BDP1: variants seen among roughly 807,000 people sequenced by gnomAD.
BDP1 encodes transcription factor TFIIIB component B'' homolog.
A neutral mutation model predicts 266.6 loss-of-function variants in BDP1; 169 were observed. That is an observed-to-expected ratio of 0.63 (90% CI 0.56 to 0.72). BDP1 has a LOEUF of 0.72. BDP1 is among the 30% of genes least tolerant of loss of function. The pLI is 0.00. For missense variants in BDP1, 3,015 were observed against 3,053.8 expected (o/e 0.99, Z 0.30); for synonymous variants, 1,090 against 1,022.4 (o/e 1.07, Z -1.26).
At position 71,512,319 on chromosome 5, in the gene BDP1, C is replaced by T; in HGVS notation, c.4138C>T (p.His1380Tyr). The change falls in exon 18 of 39, where the codon CAC (histidine) becomes TAC (tyrosine). Residue 1380 changes from histidine to tyrosine, a missense_variant. By Grantham distance (83) the His-to-Tyr change is moderately conservative. Transcript: ENST00000358731. Reference protein sequence around the residue: ...KRNSEKEVSSHFSHFKISSQT... With the variant: ...KRNSEKEVSSYFSHFKISSQT... ...AAATTCTGAAAAAGAAGTATCAAGTCACTTCAGTCATTTCAAGATTTCTTC... is the reference window on the plus strand; with the variant it reads ...AAATTCTGAAAAAGAAGTATCAAGTTACTTCAGTCATTTCAAGATTTCTTC... 6.3e-7 allele frequency: 1 copy of T among 1,599,068 alleles called. No homozygotes were observed. The highest frequency in any genetic ancestry group is 8.5e-7 in the Non-Finnish European group (1 of 1,174,834).
chr5:71,511,051 A>T lies in BDP1; in HGVS notation c.3959A>T (p.Glu1320Val). 6.2e-7 allele frequency: 1 copy of T among 1,614,140 alleles called. No individual in the cohort carries two copies. The highest frequency in any genetic ancestry group is 8.5e-7 in the Non-Finnish European group (1 of 1,180,014). ...GGAAAAACAGACATTTCTCCAAGGG[A>T]AAACGAGCTAGAGGAGACCAGTACC... ...QTGKTDISPR[E>V]NELEETSTSR... Residue 1320 changes from glutamate (E) to valine (V), a missense_variant, in exon 17 of 39, where the codon GAA becomes GTA. This residue lies in a region of BDP1 where 2,383 missense variants were observed against 2,404.9 expected (regional missense o/e 0.99). Coordinates refer to ENST00000358731, the MANE Select transcript of BDP1 (RefSeq NM_018429.3).
chr5:71,537,762 G>C (rs1388751789), intron 26 of BDP1: 1 of 169,076 alleles, frequency 5.9e-6, no homozygotes, highest in Non-Finnish European at 1.4e-5. Flanking sequence ...TGCAGGAGCA[G>C]GTTTAGCTGA....
chr5:71,517,432 C>A lies in BDP1; in HGVS notation c.4971C>A (p.Asn1657Lys). Residue 1657 changes from asparagine (N) to lysine (K), a missense_variant, in exon 22 of 39, where the codon AAC becomes AAA. By Grantham distance (94) the Asn-to-Lys change is moderately conservative. Coordinates refer to ENST00000358731, the MANE Select transcript of BDP1 (RefSeq NM_018429.3). ...TTCTTGTAGAAAACCTTCATGTTAA[C>A]AAAACAAATGAAACAATCAGGTGAG... The part of the protein sequence containing the change: ...QVVLVENLHV[N>K]KTNETIRHEN... The A allele has an allele frequency of 6.3e-7, 1 of 1,585,736 alleles. No homozygotes were observed. The highest frequency in any genetic ancestry group is 1.2e-5 in the South Asian group (1 of 84,780).
chr5:71,510,805 A>G lies in BDP1; in HGVS notation c.3713A>G (p.Glu1238Gly). Residue 1238 changes from glutamate to glycine, a missense_variant, in exon 17 of 39, where the codon GAA becomes GGA. Physicochemically the swap from Glu to Gly is moderately conservative, Grantham distance 98. Transcript: ENST00000358731. ...KEIREEISQREKVLAEFSAIR... is the reference protein window; with the variant it reads ...KEIREEISQRGKVLAEFSAIR... ...ATTAGAGAAGAAATTTCCCAAAGGG[A>G]AAAGGTGCTAGCAGAGTTCAGTGCT... 1.2e-6 allele frequency: 2 copies of G among 1,613,422 alleles called. No individual in the cohort carries two copies. The highest frequency in any genetic ancestry group is 1.7e-6 in the Non-Finnish European group (2 of 1,179,752).
intron 24 of BDP1, 23 bp downstream of exon 24, chr5:71,522,972 G>T (rs765106323): frequency 1.3e-6 from 2 of 1,534,634 alleles, no homozygotes; most frequent in South Asian, 1.3e-5. Flanking sequence ...TTAACAAAAT[G>T]TTTCACAATA....
intron 26 of BDP1, among the ~76,000 whole-genome samples, chr5:71,538,392 G>A (rs905647840): frequency 1.3e-5 from 2 of 152,196 alleles, no homozygotes; most frequent in Non-Finnish European, 2.9e-5. Context: ...TCTCTGCCAT[G>A]CTGAGCTGGG....
chr5:71,571,367 T>C (rs467851), downstream of BDP1, among the ~76,000 whole-genome samples: 67,611 of 151,996 alleles, frequency 0.44, 15,425 homozygotes, highest in South Asian at 0.55. Flanking sequence ...TGGTTTTGAA[T>C]TCCTGAGCTC....
intron 13 of BDP1, 87 bp from the exon 14 acceptor site, chr5:71,501,475 G>C (rs1764225977): frequency 3.3e-6 from 3 of 898,038 alleles, no homozygotes; most frequent in South Asian, 2.9e-5. Context: ...TGCCCGGCCA[G>C]TTCTGTTGTT....
chr5:71,542,338 A>C lies in BDP1; in HGVS notation c.6412+73A>C. ...AATTACATTAACATTTCAAAGAAAT[A>C]TTTGGTCATTAAATTGTTTTAACTT... On this transcript the variant is annotated intron_variant, in intron 30 of 38. Coordinates refer to ENST00000358731, the MANE Select transcript of BDP1 (RefSeq NM_018429.3). The C allele has an allele frequency of 2.3e-6, 3 of 1,327,682 alleles. No homozygotes were observed. The East Asian group carries it at 7.5e-5, about 33-fold the overall frequency. The allele number at this position is 1,327,682 out of a possible 1,614,324, so 82.2% of individuals were successfully genotyped here.
At chr5:71,546,759 G>A (rs1423142302) in intron 32 of BDP1, among the ~76,000 whole-genome samples, 2 of 151,696 alleles carry the variant, frequency 1.3e-5, no homozygotes, top group African/African-American at 4.8e-5. Context: ...GTCACACTCA[G>A]TATTACTACA....
intron 7 of BDP1, among the ~76,000 whole-genome samples, chr5:71,471,912 A>G (rs1038248604): frequency 1.3e-5 from 2 of 152,196 alleles, no homozygotes; most frequent in African/African-American, 4.8e-5. Flanking sequence ...AGTGTAATGA[A>G]ATAGTCTTGT....
chr5:71,573,490 G>A, the BDP1 span, among the ~76,000 whole-genome samples: 2 of 152,170 alleles, frequency 1.3e-5, no homozygotes, highest in Non-Finnish European at 1.5e-5. Context: ...AGTTTAAGTT[G>A]TTGAAGGAAT....
intron 35 of BDP1, among the ~76,000 whole-genome samples, chr5:71,555,732 C>T (rs1303781328): frequency 3.9e-5 from 6 of 152,190 alleles, no homozygotes; most frequent in East Asian, 1.9e-4. Flanking sequence ...TGGGCCACCA[C>T]GCCCGGCCGA....
chr5:71,541,759 A>G, intron 29 of BDP1, 77 bp downstream of exon 29: 1 of 902,858 alleles, frequency 1.1e-6, no homozygotes, highest in Non-Finnish European at 1.6e-6. Flanking sequence ...TAATGCTTTA[A>G]ATGTAAAGTA....
chr5:71,502,861 A>C, intron 15 of BDP1, 70 bp downstream of exon 15: 2 of 1,146,950 alleles, frequency 1.7e-6, no homozygotes, highest in Non-Finnish European at 2.5e-6. Context: ...GCTTCCCTTC[A>C]CCCACATACT....
Position 71,466,143 on chromosome 5 carries a change from A to G in BDP1, c.707A>G (p.Glu236Gly). The G allele has an allele frequency of 6.2e-7, 1 of 1,613,862 alleles. No homozygotes were observed. The highest frequency in any genetic ancestry group is 1.1e-5 in the South Asian group (1 of 91,076). The change falls in exon 5 of 39, where the codon GAA becomes GGA. Residue 236 changes from glutamate to glycine, a missense_variant. By Grantham distance (98) the Glu-to-Gly change is moderately conservative. Coordinates refer to ENST00000358731, the MANE Select transcript of BDP1 (RefSeq NM_018429.3). Reference sequence around the variant, plus strand: ...AATGCTGAAGATAATGAAATGGAAGAAGAGACAGATGATGGGCCATTACTG... The same window carrying G: ...AATGCTGAAGATAATGAAATGGAAGGAGAGACAGATGATGGGCCATTACTG... ...TPNAEDNEME[E>G]ETDDGPLLVP...
Position 71,516,352 on chromosome 5 carries a change from T to C in BDP1, c.4860+81T>C, listed in dbSNP as rs981474069. The C allele has an allele frequency of 3.3e-5, 34 of 1,031,336 alleles. 1 individual carries two copies. The highest frequency in any genetic ancestry group is 3.2e-5 in the Non-Finnish European group (22 of 698,094). 63.9% of individuals were successfully genotyped at this position (1,031,336 alleles called of 1,614,324 possible). On this transcript the variant is annotated intron_variant, in intron 21 of 38. Transcript: ENST00000358731. The stretch of plus-strand genomic sequence containing the variant: ...TTATAGCTCAGACATAGCTTAGAAA[T>C]ACAGGCATCTGACACTTATTCTACT...
Position 71,467,283 on chromosome 5 carries a change from T to C in BDP1, c.786-71T>C, listed in dbSNP as rs868312550. ...GCCATGCTAAACCTCAAAATATAAC[T>C]ATTTACATCTCATTTGCTATTTGTT... On this transcript the variant is annotated intron_variant, in intron 5 of 38. Coordinates refer to ENST00000358731, the MANE Select transcript of BDP1 (RefSeq NM_018429.3). 24 of 1,259,380 alleles carry C rather than the reference T, an allele frequency of 1.9e-5. No individual in the cohort carries two copies. In the African/African-American group the frequency reaches 3.5e-4, roughly 18 times the overall value. The allele number at this position is 1,259,380 out of a possible 1,614,324, so 78.0% of individuals were successfully genotyped here.
chr5:71,543,151 C>T (rs1441024489), intron 30 of BDP1, among the ~76,000 whole-genome samples: 3 of 152,132 alleles, frequency 2.0e-5, no homozygotes, highest in Non-Finnish European at 4.4e-5. Context: ...CATGGTGGTG[C>T]ATGTCTGTAG....
Sources: allele counts gnomAD v4.1 joint callset (sites outside exome capture counted in the v4.1 genomes callset), GRCh38; gene constraint gnomAD v4.1.1; regional missense constraint gnomAD v4.1.1; transcripts MANE v1.5; gene names NCBI Gene and HGNC (gene_info 2026-07-23, HGNC 2026-07-21).